The following ACOT1 variants were observed in gnomAD, a reference collection of about 807,000 sequenced individuals.
The protein encoded by ACOT1 is acyl-coenzyme A thioesterase 1.
In ACOT1, 8 loss-of-function variants were observed where a neutral mutation model predicts 15.7. That is an observed-to-expected ratio of 0.51 (90% CI 0.30 to 0.92). ACOT1 has a LOEUF of 0.92. ACOT1 is among the 40% of genes least tolerant of loss of function. The pLI is 0.06. For missense variants in ACOT1, 151 were observed against 539.4 expected (o/e 0.28, Z 7.13); for synonymous variants, 67 against 241.2 (o/e 0.28, Z 6.69).
the ACOT1 span, among the ~76,000 whole-genome samples, chr14:73,494,228 A>G: frequency 6.6e-6 from 1 of 152,318 alleles, no homozygotes; most frequent in Non-Finnish European, 1.5e-5. Context: ...TACCAGAAAG[A>G]GCACTGGACT....
chr14:73,507,239 A>C, the ACOT1 span, among the ~76,000 whole-genome samples: 1 of 152,324 alleles, frequency 6.6e-6, no homozygotes, highest in Admixed American at 6.5e-5. Context: ...AGCAGAAGCA[A>C]ATTCTACATG....
Position 73,537,550 on chromosome 14 carries a change from C to G in ACOT1, c.129C>G (p.Gly43=), listed in dbSNP as rs766903415. The part of the protein sequence containing the change: ...TLRASLRDEK[G]ALFQAHARYR... ...GCGCGTCCCTGCGCGACGAGAAGGG[C>G]GCGCTTTTCCAGGCCCACGCGCGCT... Residue 43 remains glycine (G), a synonymous_variant, in exon 1 of 3, where the codon GGC becomes GGG. Coordinates refer to ENST00000311148, the MANE Select transcript of ACOT1 (RefSeq NM_001037161.2). The G allele has an allele frequency of 4.9e-6, 6 of 1,212,682 alleles. No homozygotes were observed. The African/African-American group carries it at 9.4e-5, about 19-fold the overall frequency. 75.1% of individuals were successfully genotyped at this position (1,212,682 alleles called of 1,614,324 possible).
the ACOT1 span, chr14:73,491,916 G>A: frequency 1.2e-6 from 2 of 1,613,220 alleles, no homozygotes; most frequent in Admixed American, 3.3e-5. Context: ...CGTCTCCTCT[G>A]TCCGCAGGCT....
chr14:73,519,765 C>T, the ACOT1 span, among the ~76,000 whole-genome samples: 1 of 152,240 alleles, frequency 6.6e-6, no homozygotes, highest in African/African-American at 2.4e-5. Context: ...CGCCTGTAAT[C>T]CCAGCACTTT....
the ACOT1 span, chr14:73,509,555 G>A: frequency 6.9e-7 from 1 of 1,441,626 alleles, no homozygotes; most frequent in Non-Finnish European, 9.7e-7. Flanking sequence ...GCCATGTGGT[G>A]GCCAACCTCA....
the ACOT1 span, chr14:73,491,939 G>A: frequency 1.2e-6 from 2 of 1,613,808 alleles, no homozygotes; most frequent in Admixed American, 1.7e-5. Context: ...CTCTACTACT[G>A]TGTGGCAGTT....
the ACOT1 span, among the ~76,000 whole-genome samples, chr14:73,513,329 CATGCCTAT>C: frequency 6.6e-6 from 1 of 151,824 alleles, no homozygotes; most frequent in African/African-American, 2.4e-5. Flanking sequence ...CATCATGGCA[CATGCCTAT>C]AGTCCCAGCT....
rs1220169942 is a variant in ACOT1 at position 73,537,185 on chromosome 14, T to C, written c.-237T>C. On this transcript the variant is annotated 5_prime_UTR_variant, in exon 1 of 3. Transcript: ENST00000311148. ...GCTTCTGAAAAGCAAACCTAGGAAG[T>C]TGCTTTCCAACATAAAGTGGAGGTT... is the stretch of plus-strand genomic sequence containing the variant. The C allele has an allele frequency of 4.8e-5, 19 of 398,328 alleles. 5 individuals carry two copies. Among genetic ancestry groups the C allele is most frequent in the Admixed American group, 1.7e-4 (3 of 17,382 alleles). The allele number at this position is 398,328 out of a possible 1,614,324, so 24.7% of individuals were successfully genotyped here. A position where few individuals can be genotyped will look rare whatever the true frequency, so the allele number is the denominator to read the frequency against.
the ACOT1 span, chr14:73,492,932 G>T: frequency 1.9e-6 from 3 of 1,612,210 alleles, no homozygotes; most frequent in Non-Finnish European, 2.5e-6. This position sits in a 1 kb window ranked among gnomAD's most constrained non-coding sequence, Gnocchi z 4.9. Flanking sequence ...GATGCCTCTA[G>T]CCCTAAATTA....
chr14:73,503,454 A>C, the ACOT1 span, among the ~76,000 whole-genome samples: 4 of 152,190 alleles, frequency 2.6e-5, no homozygotes, highest in Admixed American at 2.6e-4. Flanking sequence ...TGGTCACTCT[A>C]TAAGTGCACT....
chr14:73,491,983 G>A, the ACOT1 span: 1 of 1,613,964 alleles, frequency 6.2e-7, no homozygotes, highest in Admixed American at 1.7e-5. Context: ...TTGGAAGCAT[G>A]GCAGGCTCCA....
chr14:73,514,211 G>A, the ACOT1 span: 1 of 1,614,136 alleles, frequency 6.2e-7, no homozygotes, highest in Non-Finnish European at 8.5e-7. Context: ...GTCCAGCGCA[G>A]GGCTCCTTGC....
chr14:73,503,225 G>A, the ACOT1 span, among the ~76,000 whole-genome samples: 1 of 152,128 alleles, frequency 6.6e-6, no homozygotes. Context: ...TGATCAGCTT[G>A]TCCAAGGTTA....
At chr14:73,500,794 C>G in the ACOT1 span, 9 of 1,454,138 alleles carry the variant, frequency 6.2e-6, no homozygotes, top group South Asian at 1.2e-5. Context: ...CCCCAACCCC[C>G]ACTAATGCCC....
At chr14:73,504,734 A>T in the ACOT1 span, among the ~76,000 whole-genome samples, 8 of 152,316 alleles carry the variant, frequency 5.3e-5, no homozygotes, top group African/African-American at 1.9e-4. Flanking sequence ...GAGGTTGTTC[A>T]CTTATCATGG....
chr14:73,500,091 G>A, the ACOT1 span, among the ~76,000 whole-genome samples: 3 of 152,148 alleles, frequency 2.0e-5, no homozygotes, highest in Non-Finnish European at 4.4e-5. Context: ...TTAGCCAGGT[G>A]TGGTGGCAGG....
the ACOT1 span, among the ~76,000 whole-genome samples, chr14:73,516,895 C>T: frequency 4.6e-5 from 7 of 152,194 alleles, no homozygotes; most frequent in Non-Finnish European, 7.4e-5. Flanking sequence ...ATCCCCACCC[C>T]GCTGGTCTGT....
the ACOT1 span, chr14:73,500,556 G>A: frequency 6.2e-7 from 1 of 1,612,730 alleles, no homozygotes; most frequent in Admixed American, 1.7e-5. Context: ...TCACCATCTT[G>A]TCGCGGATCT....
the ACOT1 span, among the ~76,000 whole-genome samples, chr14:73,500,925 T>G: frequency 5.3e-5 from 8 of 152,198 alleles, no homozygotes; most frequent in Non-Finnish European, 7.3e-5. Context: ...TACATAGCTG[T>G]TCAGTAATTA....
Sources: allele counts gnomAD v4.1 joint callset (sites outside exome capture counted in the v4.1 genomes callset), GRCh38; gene constraint gnomAD v4.1.1; non-coding constraint Gnocchi (gnomAD v3.1); transcripts MANE v1.5; gene names NCBI Gene and HGNC (gene_info 2026-07-23, HGNC 2026-07-21).